Variants in PTPRH observed in about 807,000 individuals in gnomAD.
PTPRH encodes receptor-type tyrosine-protein phosphatase H.
A neutral mutation model predicts 130.2 loss-of-function variants in PTPRH; 113 were observed. That is an observed-to-expected ratio of 0.87 (90% CI 0.75 to 1.01). PTPRH has a LOEUF of 1.01. Ranked by LOEUF, PTPRH falls within the 50% of genes least tolerant of loss-of-function variation. The pLI is 0.00. For missense variants in PTPRH, 1,430 were observed against 1,425.0 expected (o/e 1.00, Z -0.06); for synonymous variants, 556 against 577.9 (o/e 0.96, Z 0.54).
At chr19:55,195,552 A>G (rs1330425943) in intron 10 of PTPRH, among the ~76,000 whole-genome samples, 1 of 152,172 alleles carries the variant, frequency 6.6e-6, no homozygotes, top group Non-Finnish European at 1.5e-5. Flanking sequence ...GCCAGTCACA[A>G]AGAAACACAT....
Position 55,205,506 on chromosome 19 carries a change from G to A in PTPRH, c.439C>T (p.Pro147Ser), listed in dbSNP as rs1418119068. ...TCAACCCCGTAGGTGGAGTTCTGTG[G>A]GTCTGGGCCGTCGGGGACCTCCCAG... is the stretch of plus-strand genomic sequence containing the variant. ...LTWEVPDGPD[P>S]QNSTYGVEYT... is the part of the protein sequence containing the mutation. Residue 147 changes from proline to serine, a missense_variant, in exon 4 of 20, where the codon CCA (proline) becomes TCA (serine). Coordinates refer to ENST00000376350, the MANE Select transcript of PTPRH (RefSeq NM_002842.5). 6.2e-7 allele frequency: 1 copy of A among 1,614,192 alleles called. No individual in the cohort carries two copies. The highest frequency in any genetic ancestry group is 1.7e-5 in the Admixed American group (1 of 60,012).
intron 13 of PTPRH, 26 bp downstream of exon 13, chr19:55,188,052 G>A (rs751049459): frequency 6.3e-7 from 1 of 1,588,306 alleles, no homozygotes; most frequent in Non-Finnish European, 8.6e-7. Flanking sequence ...GGGAGACTGA[G>A]CTCAGCCCCT....
At chr19:55,203,291 C>A (rs2086929564) in intron 5 of PTPRH, among the ~76,000 whole-genome samples, 3 of 142,178 alleles carry the variant, frequency 2.1e-5, no homozygotes, top group Admixed American at 7.2e-5. Context: ...TGCGCCACTG[C>A]ACTCCAGCCT....
intron 12 of PTPRH, among the ~76,000 whole-genome samples, chr19:55,190,657 G>A (rs1001607243): frequency 9.5e-5 from 13 of 136,854 alleles, no homozygotes; most frequent in African/African-American, 3.3e-4. Flanking sequence ...TTGAGACAGA[G>A]TCTCACTCTG....
intron 18 of PTPRH, among the ~76,000 whole-genome samples, chr19:55,184,521 G>A (rs1036727501): frequency 1.3e-5 from 2 of 151,996 alleles, no homozygotes; most frequent in African/African-American, 4.8e-5. Context: ...AGGTGCGGTG[G>A]CTCACGCCTG....
intron 16 of PTPRH, 67 bp downstream of exon 16, chr19:55,186,158 C>G (rs1418100995): frequency 1.3e-5 from 21 of 1,575,008 alleles, no homozygotes; most frequent in Non-Finnish European, 1.8e-5. Flanking sequence ...GGTGTGGGGT[C>G]TACATTGGAT....
In PTPRH at chr19:55,209,119, G is replaced by A. The variant is rs2087162546; in HGVS notation, c.51+264C>T. Reference sequence around the variant, plus strand: ...AGACACGACAGTGTCTAAGGGCCCGGGTGAAGCTGGTGTCCCCCACAACAG... The same window carrying A: ...AGACACGACAGTGTCTAAGGGCCCGAGTGAAGCTGGTGTCCCCCACAACAG... On this transcript the variant is annotated intron_variant, in intron 1 of 19. Transcript: ENST00000376350. The surrounding 1 kb of genome is among the most constrained non-coding windows in gnomAD (Gnocchi z 4.1). Among the ~76,000 whole-genome samples, 1 of 151,870 alleles carries A rather than the reference G, an allele frequency of 6.6e-6. No homozygotes were observed. Among genetic ancestry groups the A allele is most frequent in the African/African-American group, 2.4e-5 (1 of 41,292 alleles).
At chr19:55,207,240 ACTC>A (rs1346931623) in intron 1 of PTPRH, 41 bp from the exon 2 acceptor site, 1 of 1,598,778 alleles carries the variant, frequency 6.3e-7, no homozygotes, top group Non-Finnish European at 8.5e-7. Context: ...CCTCTCAACC[ACTC>A]CTCCGCCCAG....
At chr19:55,182,189 G>T in intron 18 of PTPRH, 38 bp from the exon 19 acceptor site, 1 of 1,603,912 alleles carries the variant, frequency 6.2e-7, no homozygotes, top group South Asian at 1.1e-5. Context: ...CAAGGGGCAG[G>T]AGTGTGAGGG....
In PTPRH at chr19:55,191,903, C is replaced by T. The variant is rs76737140; in HGVS notation, c.2258-162G>A. 1,157 of 719,578 alleles carry T rather than the reference C, an allele frequency of 1.6e-3. 9 individuals carry two copies. In the African/African-American group the frequency reaches 0.018, roughly 11 times the overall value. 44.6% of individuals were successfully genotyped at this position (719,578 alleles called of 1,614,324 possible). ...TTGCGTCGGTCCAGTTATACTTACG[C>T]GCTTACCCATGGATTTTCCTCCACC... is the stretch of plus-strand genomic sequence containing the variant. On this transcript the variant is annotated intron_variant, in intron 10 of 19. Coordinates refer to ENST00000376350, the MANE Select transcript of PTPRH (RefSeq NM_002842.5).
At position 55,200,315 on chromosome 19, in the gene PTPRH, G is replaced by C. The variant is rs746282229; in HGVS notation, c.1341C>G (p.Pro447=). Residue 447 remains proline, a synonymous_variant, in exon 7 of 20, where the codon CCC becomes CCG. Transcript: ENST00000376350. The part of the protein sequence containing the change: ...NTSVTAERLE[P]GTLYTFSVWA... Reference sequence around the variant, plus strand: ...ATACAGAGAATGTGTACAAGGTTCCGGGCTCAAGTCTCTCAGCTGTCACAC... The same window carrying C: ...ATACAGAGAATGTGTACAAGGTTCCCGGCTCAAGTCTCTCAGCTGTCACAC... 3.1e-6 allele frequency: 5 copies of C among 1,614,152 alleles called. No individual in the cohort carries two copies. Among genetic ancestry groups the C allele is most frequent in the South Asian group, 1.1e-5 (1 of 91,078 alleles).
At chr19:55,206,610 C>T (rs1285179592) in intron 3 of PTPRH, 79 bp downstream of exon 3, 3 of 1,364,544 alleles carry the variant, frequency 2.2e-6, no homozygotes, top group African/African-American at 1.4e-5. Flanking sequence ...AAGAACCTGT[C>T]GCATTTTGTC....
intron 6 of PTPRH, 69 bp downstream of exon 6, chr19:55,201,987 C>A: frequency 3.2e-6 from 5 of 1,580,246 alleles, no homozygotes; most frequent in Non-Finnish European, 4.3e-6. Context: ...AATAGACAAT[C>A]GTCTACATTC....
intron 3 of PTPRH, among the ~76,000 whole-genome samples, chr19:55,206,101 C>T (rs2087043097): frequency 6.6e-6 from 1 of 151,846 alleles, no homozygotes; most frequent in Non-Finnish European, 1.5e-5. Flanking sequence ...GGCATGGTGG[C>T]ACATGCCTGT....
intron 6 of PTPRH, 36 bp from the exon 7 acceptor site, chr19:55,200,538 G>C: frequency 6.2e-7 from 1 of 1,606,860 alleles, no homozygotes; most frequent in South Asian, 1.1e-5. Context: ...TGTTGTCGGA[G>C]ATACAGAACA....
rs777735716 is a variant in PTPRH, at chr19:55,187,503, C to T, written c.2566+10G>A. The stretch of plus-strand genomic sequence containing the variant: ...GGCTGGGACAAAAGCAGCAGGAACC[C>T]GAGACTCACAGGGCAGCACATTTCT... On this transcript the variant is annotated intron_variant, in intron 14 of 19. Transcript: ENST00000376350. 2.1e-5 allele frequency: 33 copies of T among 1,608,114 alleles called. No homozygotes were observed. Among genetic ancestry groups the T allele is most frequent in the Middle Eastern group, 1.6e-4 (1 of 6,074 alleles).
intron 12 of PTPRH, among the ~76,000 whole-genome samples, chr19:55,188,759 C>T (rs928042878): frequency 6.6e-5 from 10 of 152,320 alleles, no homozygotes; most frequent in Admixed American, 2.6e-4. Flanking sequence ...TTTAGCACCA[C>T]TGCCTGTGCC....
chr19:55,191,481 C>A lies in PTPRH; in HGVS notation c.2384+20G>T, dbSNP rs770978570. 1 of 1,613,626 alleles carries A rather than the reference C, an allele frequency of 6.2e-7. No homozygotes were observed. Among genetic ancestry groups the A allele is most frequent in the Non-Finnish European group, 8.5e-7 (1 of 1,179,718 alleles). ...TTTGACCAGATTCTTTCCAATGCAC[C>A]CCCCAGACCTTCTGCTCACCTAAAG... On this transcript the variant is annotated intron_variant, in intron 12 of 19. Coordinates refer to ENST00000376350, the MANE Select transcript of PTPRH (RefSeq NM_002842.5).
chr19:55,187,406 C>T (rs939024557), intron 14 of PTPRH, 107 bp downstream of exon 14: 5 of 600,278 alleles, frequency 8.3e-6, no homozygotes, highest in African/African-American at 8.0e-5. Flanking sequence ...AGGAGACCCA[C>T]GGTAGGGGGC....
Sources: allele counts gnomAD v4.1 joint callset (sites outside exome capture counted in the v4.1 genomes callset), GRCh38; gene constraint gnomAD v4.1.1; non-coding constraint Gnocchi (gnomAD v3.1); transcripts MANE v1.5; gene names NCBI Gene and HGNC (gene_info 2026-07-23, HGNC 2026-07-21).